UVRAG: variants seen among roughly 807,000 people sequenced by gnomAD.
The protein encoded by UVRAG is UV radiation resistance-associated gene protein.
A neutral mutation model predicts 78.0 loss-of-function variants in UVRAG; 19 were observed. The observed-to-expected ratio is 0.24, with a 90% CI of 0.17 to 0.36. The LOEUF is 0.36. Ranked by LOEUF, UVRAG falls within the 10% of genes least tolerant of loss-of-function variation. The probability of loss-of-function intolerance (pLI) is 1.00; values close to 1 mark genes in which losing one functional copy is unlikely to be tolerated. For missense variants in UVRAG, 740 were observed against 853.8 expected, an observed-to-expected ratio of 0.87 and a Z score of 1.66; for synonymous variants, 323 against 324.6, an observed-to-expected ratio of 1.00 and a Z score of 0.05.
At chr11:76,087,674 T>C (rs1951613865) in intron 13 of UVRAG, among the ~76,000 whole-genome samples, 1 of 152,208 alleles carries the variant, frequency 6.6e-6, no homozygotes. Flanking sequence ...AAAGTATTTT[T>C]ATGTGTATTA....
chr11:76,013,741 T>C (rs1036040566), intron 11 of UVRAG, among the ~76,000 whole-genome samples: 8 of 152,212 alleles, frequency 5.3e-5, no homozygotes, highest in Non-Finnish European at 1.2e-4. Context: ...GGAGATTCAG[T>C]GGTCTTGGGG....
At chr11:76,062,391 G>C (rs1198060735) in intron 12 of UVRAG, among the ~76,000 whole-genome samples, 1 of 152,080 alleles carries the variant, frequency 6.6e-6, no homozygotes, top group African/African-American at 2.4e-5. Context: ...TTCTCTACTT[G>C]GCTGCCTGTA....
rs767129593 is a variant in UVRAG at position 76,065,716 on chromosome 11, A to G, written c.1233A>G (p.Pro411=). 1.2e-5 allele frequency: 20 copies of G among 1,613,542 alleles called. No homozygotes were observed. The highest frequency in any genetic ancestry group is 1.6e-5 in the Non-Finnish European group (19 of 1,179,876). ...CCTTTTTTACCTTTCTTAGGTTTCCACTGTATCCAAAAGGAGGGGAGAAGT... is the reference window on the plus strand; with the variant it reads ...CCTTTTTTACCTTTCTTAGGTTTCCGCTGTATCCAAAAGGAGGGGAGAAGT... ...DKLTEKEREF[P]LYPKGGEKLQ... The change falls in exon 13 of 15, where the codon CCA becomes CCG. Residue 411 remains proline, a synonymous_variant. Coordinates refer to ENST00000356136, the MANE Select transcript of UVRAG (RefSeq NM_003369.4).
At chr11:75,980,879 C>A (rs911902165) in intron 7 of UVRAG, among the ~76,000 whole-genome samples, 4 of 151,892 alleles carry the variant, frequency 2.6e-5, no homozygotes, top group Admixed American at 1.3e-4. Context: ...TGAGGTTTTG[C>A]CATGTTGACT....
chr11:75,885,653 A>G (rs138634161), intron 4 of UVRAG, among the ~76,000 whole-genome samples: 437 of 152,268 alleles, frequency 2.9e-3, no homozygotes, highest in Non-Finnish European at 5.2e-3. Context: ...TCTAAGTTCT[A>G]TAGTTTCCAT....
intron 6 of UVRAG, among the ~76,000 whole-genome samples, chr11:75,944,396 T>C (rs1182793562): frequency 6.6e-6 from 1 of 152,134 alleles, no homozygotes; most frequent in Non-Finnish European, 1.5e-5. Context: ...GATGAAGAGG[T>C]GTAAGCTAAA....
At chr11:75,876,035 A>G (rs1279987333) in intron 3 of UVRAG, among the ~76,000 whole-genome samples, 1 of 152,032 alleles carries the variant, frequency 6.6e-6, no homozygotes, top group Non-Finnish European at 1.5e-5. Context: ...AAGAAAAAGA[A>G]TGTGAAAACC....
At chr11:76,102,632 T>G (rs938294075) in intron 13 of UVRAG, among the ~76,000 whole-genome samples, 1 of 152,152 alleles carries the variant, frequency 6.6e-6, no homozygotes, top group Non-Finnish European at 1.5e-5. Context: ...AGAGAGGGGA[T>G]CCTTGTCTCC....
chr11:75,840,874 T>C (rs1396872370), intron 1 of UVRAG, among the ~76,000 whole-genome samples: 2 of 152,190 alleles, frequency 1.3e-5, no homozygotes, highest in Non-Finnish European at 2.9e-5. Context: ...TAGGAAAATA[T>C]AGGTGATTGA....
chr11:75,909,449 T>C (rs950902473), intron 5 of UVRAG, among the ~76,000 whole-genome samples: 16 of 151,914 alleles, frequency 1.1e-4, no homozygotes, highest in Non-Finnish European at 1.8e-4. Flanking sequence ...ATGCTACTAC[T>C]CTCCAGCCTG....
intron 12 of UVRAG, among the ~76,000 whole-genome samples, chr11:76,063,518 T>C (rs965529886): frequency 1.3e-5 from 2 of 152,184 alleles, no homozygotes; most frequent in African/African-American, 4.8e-5. Context: ...TTTCTACTAT[T>C]TATAGAAAGA....
chr11:76,103,744 T>C lies in UVRAG; in HGVS notation c.1306-12180T>C, dbSNP rs550485810. Among the ~76,000 whole-genome samples, 30 of 152,202 alleles carry C rather than the reference T, an allele frequency of 2.0e-4. No individual in the cohort carries two copies. In the South Asian group the frequency reaches 5.2e-3, roughly 26 times the overall value. On this transcript the variant is annotated intron_variant, in intron 13 of 14. Transcript: ENST00000356136. ...GAGAGAAAAGAGCATTCTGGAAAAC[T>C]GTGTTCCATTTAAGGCACCTCATTA...
At chr11:75,948,402 A>T (rs983220705) in intron 6 of UVRAG, among the ~76,000 whole-genome samples, 7 of 152,192 alleles carry the variant, frequency 4.6e-5, no homozygotes, top group Non-Finnish European at 7.3e-5. Flanking sequence ...AAAGGAAATT[A>T]TGCGGATAAG....
intron 13 of UVRAG, among the ~76,000 whole-genome samples, chr11:76,079,013 C>T (rs1951451593): frequency 6.6e-6 from 1 of 152,122 alleles, no homozygotes; most frequent in South Asian, 2.1e-4. Flanking sequence ...TGCTGTGTCT[C>T]AGACTTCTCA....
At chr11:75,901,955 C>T (rs1947513139) in intron 5 of UVRAG, among the ~76,000 whole-genome samples, 2 of 152,194 alleles carry the variant, frequency 1.3e-5, no homozygotes, top group South Asian at 4.1e-4. Flanking sequence ...ACATTTCCCT[C>T]TTCACTGACC....
In UVRAG at chr11:75,983,386, GAAA is replaced by G; in HGVS notation, c.707_709del (p.Lys236del). Reference sequence around the variant, plus strand: ...ATATACCTGTGATTTTATTTATTTAGAAAAAAAAAAGTGAATGCCTGCAGTTAA... The same window carrying G: ...ATATACCTGTGATTTTATTTATTTAGAAAAAAAGTGAATGCCTGCAGTTAA... On this transcript the variant is annotated inframe_deletion and splice_region_variant, in exon 8 of 15. Transcript: ENST00000356136. 1.4e-6 allele frequency: 2 copies of G among 1,415,086 alleles called. No individual in the cohort carries two copies. The highest frequency in any genetic ancestry group is 1.5e-5 in the African/African-American group (1 of 68,480). 87.7% of individuals were successfully genotyped at this position (1,415,086 alleles called of 1,614,324 possible).
chr11:76,115,926 A>G lies in UVRAG; in HGVS notation c.1308A>G (p.Leu436=). Residue 436 remains leucine (L), a splice_region_variant and synonymous_variant, in exon 14 of 15, where the codon CTA becomes CTG. Transcript: ENST00000356136. ...ATTCTATTTTTTCACCTTCACAGCT[A>G]AGATATCAACATGGACTAGGGACTC... ...VYLLNKNIAQ[L]RYQHGLGTPD... 6.2e-7 allele frequency: 1 copy of G among 1,613,712 alleles called. No individual in the cohort carries two copies. Among genetic ancestry groups the G allele is most frequent in the Non-Finnish European group, 8.5e-7 (1 of 1,179,720 alleles).
At chr11:75,911,395 C>A in intron 5 of UVRAG, 1 of 158,960 alleles carries the variant, frequency 6.3e-6, no homozygotes, top group South Asian at 1.7e-4. Flanking sequence ...TCCCTGTGCT[C>A]TCAGAAGCTT....
At chr11:76,001,192 G>A (rs1218240542) in intron 8 of UVRAG, among the ~76,000 whole-genome samples, 2 of 152,080 alleles carry the variant, frequency 1.3e-5, no homozygotes, top group South Asian at 4.2e-4. Flanking sequence ...AAAATGTCTG[G>A]AAAATTCCAA....
Sources: gnomAD v4.1 joint callset for allele counts (sites outside exome capture counted in the v4.1 genomes callset) on GRCh38, gnomAD v4.1.1 for gene constraint, MANE v1.5 for transcripts, NCBI Gene and HGNC (gene_info 2026-07-23, HGNC 2026-07-21) for gene names.